Variants in RBFOX3 observed in about 807,000 individuals in gnomAD.
RBFOX3 encodes RNA binding fox-1 homolog 3, also known as RNA binding protein fox-1 homolog 3.
RBFOX3 carries 17 observed loss-of-function variants against 48.7 expected under a neutral mutation model. The ratio of observed to expected loss-of-function variants is 0.35; its 90% CI spans 0.24 to 0.52. The LOEUF is 0.52. Ranked by LOEUF, RBFOX3 falls within the 20% of genes least tolerant of loss-of-function variation. The probability of loss-of-function intolerance (pLI) is 0.94; values close to 1 mark genes in which losing one functional copy is unlikely to be tolerated. For synonymous variants in RBFOX3, 212 were observed against 209.5 expected, an observed-to-expected ratio of 1.01 and a Z score of -0.10; for missense variants, 382 against 497.5, an observed-to-expected ratio of 0.77 and a Z score of 2.21.
At chr17:79,268,691 G>T (rs1045172214) in intron 3 of RBFOX3, among the ~76,000 whole-genome samples, 2 of 152,096 alleles carry the variant, frequency 1.3e-5, no homozygotes, top group Admixed American at 6.6e-5. Context: ...GATGACCCAT[G>T]GCTCTGGCAT....
intron 2 of RBFOX3, among the ~76,000 whole-genome samples, chr17:79,316,095 A>G (rs934770915): frequency 6.6e-6 from 1 of 151,922 alleles, no homozygotes; most frequent in Non-Finnish European, 1.5e-5. Flanking sequence ...GCAGGCTGGG[A>G]GCACCAGGGT....
At chr17:79,096,077 A>C (rs55726611) in intron 12 of RBFOX3, among the ~76,000 whole-genome samples, 25,318 of 152,200 alleles carry the variant, frequency 0.17, 2,409 homozygotes, top group South Asian at 0.23. Flanking sequence ...AGCTCAGATG[A>C]TGTCCTGGCC....
At chr17:79,457,890 G>A (rs1027980260) in intron 2 of RBFOX3, among the ~76,000 whole-genome samples, 1 of 152,260 alleles carries the variant, frequency 6.6e-6, no homozygotes, top group South Asian at 2.1e-4. Flanking sequence ...AGGTGTTCAG[G>A]AAAGGGTGTG....
intron 2 of RBFOX3, among the ~76,000 whole-genome samples, chr17:79,451,314 C>T (rs1555741552): frequency 2.0e-5 from 3 of 152,148 alleles, no homozygotes; most frequent in African/African-American, 2.4e-5. Context: ...CCTGAACCCC[C>T]GGGACTGTCA....
chr17:79,142,387 T>G (rs1206359444), intron 4 of RBFOX3, among the ~76,000 whole-genome samples: 1 of 152,156 alleles, frequency 6.6e-6, no homozygotes, highest in Non-Finnish European at 1.5e-5. Context: ...AAATCAATTT[T>G]TAATTGAATG....
chr17:79,473,114 G>A lies in RBFOX3; in HGVS notation c.-175+9340C>T, dbSNP rs983301481. Among the ~76,000 whole-genome samples, 3 of 151,210 alleles carry A rather than the reference G, an allele frequency of 2.0e-5. No individual in the cohort carries two copies. Among genetic ancestry groups the A allele is most frequent in the East Asian group, 2.0e-4 (1 of 5,040 alleles). ...AAAACACAAAGCCCAGGTTCTTAAC[G>A]ATTAGACTCATCAGACCTAAAACGA... On this transcript the variant is annotated intron_variant, in intron 2 of 14. Coordinates refer to ENST00000693108, the MANE Select transcript of RBFOX3 (RefSeq NM_001350451.2). This position sits in a 1 kb window ranked among gnomAD's most constrained non-coding sequence, Gnocchi z 4.2.
chr17:79,190,343 G>A (rs577168715), intron 4 of RBFOX3, among the ~76,000 whole-genome samples: 5 of 151,456 alleles, frequency 3.3e-5, no homozygotes, highest in East Asian at 1.9e-4. Flanking sequence ...TCTGGGAGGC[G>A]GAGGATGCGG....
intron 8 of RBFOX3, among the ~76,000 whole-genome samples, chr17:79,101,931 G>C (rs2076520148): frequency 6.6e-6 from 1 of 152,202 alleles, no homozygotes; most frequent in African/African-American, 2.4e-5. Flanking sequence ...AGGACAGCTG[G>C]AGCAGCTCCC....
chr17:79,649,181 G>T, the RBFOX3 span, among the ~76,000 whole-genome samples: 1 of 152,040 alleles, frequency 6.6e-6, no homozygotes, highest in African/African-American at 2.4e-5. Flanking sequence ...GGGTCTTGAT[G>T]ATTGCCCAGG....
At chr17:79,151,208 C>T (rs1048589742) in intron 4 of RBFOX3, among the ~76,000 whole-genome samples, 15 of 151,978 alleles carry the variant, frequency 9.9e-5, no homozygotes, top group African/African-American at 3.6e-4. Flanking sequence ...CCACCCCCTG[C>T]CCTGGGAGGG....
chr17:79,402,036 G>C (rs1376001081), intron 2 of RBFOX3, among the ~76,000 whole-genome samples: 1 of 152,260 alleles, frequency 6.6e-6, no homozygotes, highest in South Asian at 2.1e-4. Context: ...CTGAGAAAGA[G>C]CAGAAGCAGG....
intron 4 of RBFOX3, among the ~76,000 whole-genome samples, chr17:79,200,641 G>T (rs569715408): frequency 2.6e-5 from 4 of 152,306 alleles, no homozygotes; most frequent in African/African-American, 7.2e-5. Context: ...CTCAGGTCAC[G>T]TCTCTGGGGA....
intron 2 of RBFOX3, among the ~76,000 whole-genome samples, chr17:79,450,678 A>G (rs1555741075): frequency 6.6e-6 from 1 of 152,158 alleles, no homozygotes. Flanking sequence ...GGCCTAAGGA[A>G]GAAGAAGACA....
chr17:79,112,917 G>GC (rs2032473478), intron 5 of RBFOX3, among the ~76,000 whole-genome samples: 2 of 109,568 alleles, frequency 1.8e-5, no homozygotes, highest in African/African-American at 3.8e-5. Flanking sequence ...GGGGGGGGTG[G>GC]GCTGGGTAGG....
At chr17:79,663,705 G>C in the RBFOX3 span, among the ~76,000 whole-genome samples, 1 of 151,276 alleles carries the variant, frequency 6.6e-6, no homozygotes, top group Non-Finnish European at 1.5e-5. Context: ...AGCCAACAAG[G>C]AAAGTTGAGT....
chr17:79,244,470 G>A (rs913402110), intron 3 of RBFOX3, among the ~76,000 whole-genome samples: 2 of 151,990 alleles, frequency 1.3e-5, no homozygotes, highest in South Asian at 2.1e-4. Flanking sequence ...GCAGCCACAG[G>A]AGAGTAACCC....
intron 8 of RBFOX3, among the ~76,000 whole-genome samples, chr17:79,102,795 G>C (rs1158696162): frequency 2.0e-5 from 3 of 152,226 alleles, no homozygotes; most frequent in Non-Finnish European, 4.4e-5. Flanking sequence ...GCTCCATGGT[G>C]AGCAGGGTCT....
At chr17:79,120,322 A>G (rs941278830) in intron 4 of RBFOX3, among the ~76,000 whole-genome samples, 4 of 151,850 alleles carry the variant, frequency 2.6e-5, no homozygotes, top group Admixed American at 6.6e-5. Flanking sequence ...GTATGCATGG[A>G]TGGATGGATG....
At chr17:79,584,647 T>G (rs1417737743) in intron 1 of RBFOX3, among the ~76,000 whole-genome samples, 1 of 152,222 alleles carries the variant, frequency 6.6e-6, no homozygotes, top group Admixed American at 6.5e-5. Context: ...GAGACTATTA[T>G]TCTAAGTGAA....
Sources: gnomAD v4.1 joint callset for allele counts (sites outside exome capture counted in the v4.1 genomes callset) on GRCh38, gnomAD v4.1.1 for gene constraint, Gnocchi (gnomAD v3.1) non-coding constraint, MANE v1.5 for transcripts, NCBI Gene and HGNC (gene_info 2026-07-23, HGNC 2026-07-21) for gene names.